PRKCZ: variants seen among roughly 807,000 people sequenced by gnomAD.
PRKCZ encodes the protein protein kinase C zeta.
In PRKCZ, 33 loss-of-function variants were observed where a neutral mutation model predicts 79.5. The ratio of observed to expected loss-of-function variants is 0.41; its 90% CI spans 0.31 to 0.55. PRKCZ has a LOEUF of 0.55. Among genes scored for constraint, PRKCZ ranks in the 20% least tolerant of loss-of-function variants. PRKCZ has a pLI of 0.19. For synonymous variants in PRKCZ, 342 were observed against 320.9 expected (o/e 1.07, Z -0.70); for missense variants, 578 against 813.5 (o/e 0.71, Z 3.52).
At chr1:2,159,131 T>C (rs1681705302) in intron 10 of PRKCZ, among the ~76,000 whole-genome samples, 13 of 151,832 alleles carry the variant, frequency 8.6e-5, no homozygotes, top group Admixed American at 8.5e-4. Context: ...GAGCTCCGGG[T>C]TGGGGGGAGG....
intron 4 of PRKCZ, among the ~76,000 whole-genome samples, chr1:2,081,220 C>A (rs575812122): frequency 6.6e-6 from 1 of 152,224 alleles, no homozygotes; most frequent in African/African-American, 2.4e-5. Flanking sequence ...CATGTGGACT[C>A]GCAGGTGTCA....
chr1:2,104,959 C>T (rs908382093), intron 4 of PRKCZ: 29 of 981,012 alleles, frequency 3.0e-5, no homozygotes, highest in East Asian at 2.3e-4. Flanking sequence ...CAGGAGGGCG[C>T]GGCCGGCCTC....
chr1:2,167,643 G>C (rs262644), intron 10 of PRKCZ, among the ~76,000 whole-genome samples: 6 of 151,926 alleles, frequency 3.9e-5, no homozygotes, highest in Non-Finnish European at 7.4e-5. Context: ...TTGCTCTGTC[G>C]CCCAGGCTGG....
At chr1:2,066,008 T>C (rs999305708) in intron 4 of PRKCZ, among the ~76,000 whole-genome samples, 3 of 152,230 alleles carry the variant, frequency 2.0e-5, no homozygotes, top group African/African-American at 7.2e-5. Flanking sequence ...AAATCCTTCT[T>C]GCTCTTGGTG....
Position 2,135,358 on chromosome 1 carries a change from C to T in PRKCZ, c.420+11C>T. 1 of 1,600,640 alleles carries T rather than the reference C, an allele frequency of 6.2e-7. No individual in the cohort carries two copies. Among genetic ancestry groups the T allele is most frequent in the South Asian group, 1.1e-5 (1 of 90,482 alleles). On this transcript the variant is annotated intron_variant, in intron 5 of 17. Transcript: ENST00000378567. ...AAGCGCTTTAACAGGGTGAGTGGCC[C>T]CCTTGGGACTAGTCCCTCAAGGGGC...
At chr1:2,070,017 G>A (rs1298121728) in intron 4 of PRKCZ, among the ~76,000 whole-genome samples, 1 of 152,196 alleles carries the variant, frequency 6.6e-6, no homozygotes, top group East Asian at 1.9e-4. Flanking sequence ...GCTGAGGGCA[G>A]CGCTGGATGG....
chr1:2,152,447 G>A (rs747200881), intron 9 of PRKCZ, among the ~76,000 whole-genome samples: 3 of 152,100 alleles, frequency 2.0e-5, no homozygotes, highest in African/African-American at 4.8e-5. Flanking sequence ...CAGGAGAATC[G>A]CTTGAACCAG....
intron 4 of PRKCZ, among the ~76,000 whole-genome samples, chr1:2,115,674 C>T (rs887682055): frequency 1.4e-4 from 21 of 152,338 alleles, no homozygotes; most frequent in African/African-American, 4.8e-4. Flanking sequence ...TGACCCCTTC[C>T]TGAGGCTCGG....
At position 2,148,910 on chromosome 1, in the gene PRKCZ, A is replaced by T; in HGVS notation, c.673A>T (p.Lys225Ter). ...CTCATCCCGGAAGCATGACAGCATT[A>T]AAGACGACTCGGAGGTGAGTGTGTG... is the stretch of plus-strand genomic sequence containing the variant. ...ISSSRKHDSI[K>*]DDSEDLKPVI... Residue 225 changes from lysine to a stop codon, truncating the protein, a stop_gained, in exon 8 of 18, where the codon AAA (lysine) becomes TAA (stop). Coordinates refer to ENST00000378567, the MANE Select transcript of PRKCZ (RefSeq NM_002744.6). LOFTEE classifies it high-confidence loss of function. 1 of 1,613,954 alleles carries T rather than the reference A, an allele frequency of 6.2e-7. No individual in the cohort carries two copies. The highest frequency in any genetic ancestry group is 8.5e-7 in the Non-Finnish European group (1 of 1,179,880).
chr1:2,144,065 C>T, intron 5 of PRKCZ, 145 bp from the exon 6 acceptor site: 6 of 1,203,926 alleles, frequency 5.0e-6, no homozygotes, highest in African/African-American at 3.1e-5. Context: ...GCAAGCCTGG[C>T]GCCCGGAAGG....
intron 4 of PRKCZ, chr1:2,104,763 C>CG: frequency 2.0e-6 from 2 of 985,750 alleles, no homozygotes; most frequent in Non-Finnish European, 2.4e-6. Context: ...GGCTGGCCTG[C>CG]GGGGCTCACT....
intron 4 of PRKCZ, among the ~76,000 whole-genome samples, chr1:2,084,657 C>T (rs1664159134): frequency 6.6e-6 from 1 of 152,232 alleles, no homozygotes; most frequent in African/African-American, 2.4e-5. Flanking sequence ...TGCCAGCCAC[C>T]TGCCTGCCCA....
At chr1:2,110,466 G>A (rs1221007631) in intron 4 of PRKCZ, among the ~76,000 whole-genome samples, 1 of 142,124 alleles carries the variant, frequency 7.0e-6, no homozygotes, top group East Asian at 2.0e-4. Context: ...CTTCATGGGG[G>A]AAACAGAGAC....
chr1:2,150,844 G>C lies in PRKCZ; in HGVS notation c.742G>C (p.Gly248Arg), dbSNP rs765030314. ...TGGAATCAAAATCTCTCAGGGGCTTGGGCTGCAGGACTTTGACCTAATCAG... is the reference window on the plus strand; with the variant it reads ...TGGAATCAAAATCTCTCAGGGGCTTCGGCTGCAGGACTTTGACCTAATCAG... Reference protein sequence around the residue: ...MDGIKISQGLGLQDFDLIRVI... With the variant: ...MDGIKISQGLRLQDFDLIRVI... The change falls in exon 9 of 18, where the codon GGG (glycine) becomes CGG (arginine). Residue 248 changes from glycine to arginine, a missense_variant. By Grantham distance (125) the Gly-to-Arg change is moderately radical. Around this residue, in one of 4 missense-constraint regions of PRKCZ, gnomAD observed 91 missense variants for 97.5 expected, o/e 0.93. Transcript: ENST00000378567. 6.2e-7 allele frequency: 1 copy of C among 1,614,190 alleles called. No homozygotes were observed. Among genetic ancestry groups the C allele is most frequent in the Non-Finnish European group, 8.5e-7 (1 of 1,180,028 alleles).
intron 3 of PRKCZ, among the ~76,000 whole-genome samples, chr1:2,058,145 G>A (rs951282710): frequency 1.3e-5 from 2 of 152,196 alleles, no homozygotes; most frequent in Non-Finnish European, 2.9e-5. Flanking sequence ...GGGATTACAG[G>A]CGTGAGCCAC....
intron 4 of PRKCZ, among the ~76,000 whole-genome samples, chr1:2,093,861 G>A (rs747027673): frequency 4.6e-5 from 7 of 152,112 alleles, no homozygotes; most frequent in African/African-American, 1.4e-4. Context: ...GGGACGAGCC[G>A]AGGATCCCCG....
chr1:2,160,340 C>T (rs187189101), intron 10 of PRKCZ, among the ~76,000 whole-genome samples: 34 of 151,978 alleles, frequency 2.2e-4, no homozygotes, highest in Non-Finnish European at 4.3e-4. Flanking sequence ...CAGAGAGTGA[C>T]GTCCCTGGAA....
Position 2,156,021 on chromosome 1 carries a change from G to A in PRKCZ, c.903G>A (p.Lys301=), listed in dbSNP as rs1366318102. The A allele has an allele frequency of 6.2e-7, 1 of 1,614,008 alleles. No homozygotes were observed. Among genetic ancestry groups the A allele is most frequent in the Non-Finnish European group, 8.5e-7 (1 of 1,179,930 alleles). Residue 301 remains lysine, a synonymous_variant, in exon 10 of 18, where the codon AAG becomes AAA. Coordinates refer to ENST00000378567, the MANE Select transcript of PRKCZ (RefSeq NM_002744.6). ...ATATTGACTGGGTACAGACAGAGAA[G>A]CACGTGTTTGAGCAGGCATCCAGCA... The part of the protein sequence containing the change: ...DEDIDWVQTE[K]HVFEQASSNP...
intron 6 of PRKCZ, 55 bp from the exon 7 acceptor site, chr1:2,145,972 T>A: frequency 3.4e-6 from 5 of 1,475,612 alleles, no homozygotes; most frequent in Middle Eastern, 1.7e-4. Context: ...GAAGCTACAT[T>A]GTAACACCTG....
Sources: gnomAD v4.1 joint callset for allele counts (sites outside exome capture counted in the v4.1 genomes callset) on GRCh38, gnomAD v4.1.1 for gene constraint, gnomAD v4.1.1 regional missense constraint, MANE v1.5 for transcripts, NCBI Gene and HGNC (gene_info 2026-07-23, HGNC 2026-07-21) for gene names.